Variants in CLSTN1 observed in about 807,000 individuals in gnomAD.
The protein encoded by CLSTN1 is calsyntenin 1.
CLSTN1 carries 28 observed loss-of-function variants against 108.3 expected under a neutral mutation model. The ratio of observed to expected loss-of-function variants is 0.26; its 90% CI spans 0.19 to 0.35. The LOEUF is 0.35. Ranked by LOEUF, CLSTN1 falls within the 10% of genes least tolerant of loss-of-function variation. The probability of loss-of-function intolerance (pLI) is 1.00; values close to 1 mark genes in which losing one functional copy is unlikely to be tolerated. For synonymous variants in CLSTN1, 524 were observed against 534.9 expected, an observed-to-expected ratio of 0.98 and a Z score of 0.28; for missense variants, 1,157 against 1,302.6, an observed-to-expected ratio of 0.89 and a Z score of 1.72.
chr1:9,733,365 G>A, intron 16 of CLSTN1, 36 bp downstream of exon 16: 1 of 1,611,920 alleles, frequency 6.2e-7, no homozygotes, highest in Non-Finnish European at 8.5e-7. Flanking sequence ...ACTCACTGCT[G>A]CTATTGGCCC....
At chr1:9,788,131 T>C (rs1043522039) in intron 1 of CLSTN1, among the ~76,000 whole-genome samples, 2 of 151,378 alleles carry the variant, frequency 1.3e-5, no homozygotes, top group Non-Finnish European at 2.9e-5. Context: ...GGTGCCACAC[T>C]TGTAGTCCCG....
At position 9,814,247 on chromosome 1, in the gene CLSTN1, C is replaced by CAAAAAAAAAA. The variant is rs558624346; in HGVS notation, c.91+9386_91+9395dup. Among the ~76,000 whole-genome samples, 200 of 94,904 alleles carry CAAAAAAAAAA rather than the reference C, an allele frequency of 2.1e-3. 2 individuals are homozygous for CAAAAAAAAAA. The East Asian group carries it at 0.028, about 13-fold the overall frequency. The allele number at this position is 94,904 out of a possible 152,430, so 62.3% of individuals were successfully genotyped here. A position where few individuals can be genotyped will look rare whatever the true frequency, so the allele number is the denominator to read the frequency against. On this transcript the variant is annotated intron_variant, in intron 1 of 18. Transcript: ENST00000377298. ...CAATATGGTAAAACCCCATCTCTAC[C>CAAAAAAAAAA]AAAAAAAAAAAAAAAAAAGCCAGGC...
chr1:9,795,032 AAG>A (rs1464479851), intron 1 of CLSTN1, among the ~76,000 whole-genome samples: 11 of 151,338 alleles, frequency 7.3e-5, no homozygotes, highest in Non-Finnish European at 1.3e-4. Context: ...AAAAAAAAAA[AAG>A]AAAAAAAATC....
chr1:9,795,819 G>C (rs1341976138), intron 1 of CLSTN1, among the ~76,000 whole-genome samples: 2 of 150,952 alleles, frequency 1.3e-5, no homozygotes. Context: ...GCCAAGCATG[G>C]TGGTGCATGC....
At chr1:9,793,202 G>A (rs1005230568) in intron 1 of CLSTN1, among the ~76,000 whole-genome samples, 2 of 151,190 alleles carry the variant, frequency 1.3e-5, no homozygotes, top group Non-Finnish European at 2.9e-5. Flanking sequence ...TAGTAGAGAC[G>A]GGGTTTCACC....
chr1:9,767,932 C>T (rs939820290), intron 2 of CLSTN1, among the ~76,000 whole-genome samples: 9 of 152,150 alleles, frequency 5.9e-5, no homozygotes, highest in African/African-American at 2.2e-4. Context: ...GTACCACCCA[C>T]TGTTTAAAGC....
At position 9,773,296 on chromosome 1, in the gene CLSTN1, T is replaced by C; in HGVS notation, c.190A>G (p.Lys64Glu). The change falls in exon 2 of 19, where the codon AAA becomes GAA. Residue 64 changes from lysine to glutamate, a missense_variant. Coordinates refer to ENST00000377298, the MANE Select transcript of CLSTN1 (RefSeq NM_001009566.3). ...LLDPPLIALD[K>E]DAPLRFAESF... ...CCTGCAAATCGCAGAGGCGCATCTT[T>C]ATCCAGCGCGATCAGTGGGGGGTCG... The C allele has an allele frequency of 6.2e-7, 1 of 1,614,076 alleles. No homozygotes were observed. Among genetic ancestry groups the C allele is most frequent in the Non-Finnish European group, 8.5e-7 (1 of 1,179,986 alleles).
In CLSTN1 at chr1:9,730,346, A is replaced by G; in HGVS notation, c.*162T>C. 1 of 696,124 alleles carries G rather than the reference A, an allele frequency of 1.4e-6. No individual in the cohort carries two copies. The highest frequency in any genetic ancestry group is 2.5e-5 in the East Asian group (1 of 40,220). 43.1% of individuals were successfully genotyped at this position (696,124 alleles called of 1,614,324 possible). ...GCGACCAGGCAGAGGGTGGGCGGGG[A>G]GCCTAGGGTCCTACACACCAAGCAC... is the stretch of plus-strand genomic sequence containing the variant. On this transcript the variant is annotated 3_prime_UTR_variant, in exon 19 of 19. Coordinates refer to ENST00000377298, the MANE Select transcript of CLSTN1 (RefSeq NM_001009566.3). The surrounding 1 kb of genome is among the most constrained non-coding windows in gnomAD (Gnocchi z 5.6).
Position 9,823,752 on chromosome 1 carries a change from GC to G in CLSTN1, c.-20del. 5 of 1,030,264 alleles carry G rather than the reference GC, an allele frequency of 4.9e-6. No homozygotes were observed. The highest frequency in any genetic ancestry group is 5.8e-6 in the Non-Finnish European group (5 of 859,012). The allele number at this position is 1,030,264 out of a possible 1,614,324, so 63.8% of individuals were successfully genotyped here. A position where few individuals can be genotyped will look rare whatever the true frequency, so the allele number is the denominator to read the frequency against. ...GCAGCATCGCCAGCCCGGGGCGGGA[GC>G]GGCAGGGAGGCGCGCGGGACGCCGA... is the stretch of plus-strand genomic sequence containing the variant. On this transcript the variant is annotated 5_prime_UTR_variant, in exon 1 of 19. Transcript: ENST00000377298. This position sits in a 1 kb window ranked among gnomAD's most constrained non-coding sequence, Gnocchi z 6.3.
rs763032353 is a variant in CLSTN1 at position 9,730,578 on chromosome 1, T to TCCC, written c.2873_2875dup (p.Gly958dup). 1.9e-6 allele frequency: 3 copies of TCCC among 1,608,818 alleles called. No individual in the cohort carries two copies. The highest frequency in any genetic ancestry group is 4.5e-5 in the East Asian group (2 of 44,846). On this transcript the variant is annotated inframe_insertion, in exon 19 of 19. Transcript: ENST00000377298. The surrounding 1 kb of genome is among the most constrained non-coding windows in gnomAD (Gnocchi z 5.6). Reference sequence around the variant, plus strand: ...GGTTGCGTTCTGGGGGTCGCCCTGCTCCCCCTCCTCCTCCTCGCTGCTCTC... The same window carrying TCCC: ...GGTTGCGTTCTGGGGGTCGCCCTGCTCCCCCCCCTCCTCCTCCTCGCTGCTCTC...
rs146428342 is a variant in CLSTN1, at chr1:9,734,574, C to CAAAA, written c.2110+370_2110+373dup. On this transcript the variant is annotated intron_variant, in intron 14 of 18. Transcript: ENST00000377298. The surrounding 1 kb of genome is among the most constrained non-coding windows in gnomAD (Gnocchi z 4.8). ...TGGGCGACAGAGTGAGACTCCATCT[C>CAAAA]AAAAAAAAAAAAAAAGGGGGGGAGT... 3.6e-3 allele frequency among the ~76,000 whole-genome samples: 365 copies of CAAAA among 102,010 alleles called. 4 individuals carry two copies. In the East Asian group the frequency reaches 0.041, roughly 11 times the overall value. 66.9% of individuals were successfully genotyped at this position (102,010 alleles called of 152,430 possible).
chr1:9,810,438 T>A (rs982908653), intron 1 of CLSTN1, among the ~76,000 whole-genome samples: 1 of 151,428 alleles, frequency 6.6e-6, no homozygotes, highest in African/African-American at 2.4e-5. Context: ...ATCATGCCAC[T>A]GCACTCCAGG....
chr1:9,788,585 A>G (rs966992747), intron 1 of CLSTN1, among the ~76,000 whole-genome samples: 4 of 150,092 alleles, frequency 2.7e-5, no homozygotes, highest in African/African-American at 9.8e-5. Context: ...AAGGAATTTG[A>G]GGCCGGGCGC....
At chr1:9,750,979 C>G (rs772456573) in intron 5 of CLSTN1, among the ~76,000 whole-genome samples, 1 of 151,900 alleles carries the variant, frequency 6.6e-6, no homozygotes, top group Non-Finnish European at 1.5e-5. Flanking sequence ...GTAGGAGAAT[C>G]ACTTGAACCC....
intron 1 of CLSTN1, among the ~76,000 whole-genome samples, chr1:9,801,021 T>C (rs1053477697): frequency 1.3e-5 from 2 of 151,910 alleles, no homozygotes; most frequent in Admixed American, 1.3e-4. Flanking sequence ...CCGAGGCAGA[T>C]GGATCACCTG....
At chr1:9,765,949 G>A (rs1652309365) in intron 2 of CLSTN1, among the ~76,000 whole-genome samples, 1 of 152,058 alleles carries the variant, frequency 6.6e-6, no homozygotes, top group Non-Finnish European at 1.5e-5. Context: ...AGTTACATGT[G>A]CTAAAAAAGC....
At chr1:9,775,161 G>C (rs929288382) in intron 1 of CLSTN1, among the ~76,000 whole-genome samples, 1 of 152,100 alleles carries the variant, frequency 6.6e-6, no homozygotes, top group Non-Finnish European at 1.5e-5. Context: ...CCTGTGTCTT[G>C]TACTGACCTC....
chr1:9,781,633 G>A (rs1653255587), intron 1 of CLSTN1, among the ~76,000 whole-genome samples: 1 of 151,850 alleles, frequency 6.6e-6, no homozygotes, highest in South Asian at 2.1e-4. Context: ...AGTAGAGATG[G>A]GGTTTCTCCA....
intron 3 of CLSTN1, 94 bp from the exon 4 acceptor site, chr1:9,755,403 A>C: frequency 9.2e-7 from 1 of 1,089,920 alleles, no homozygotes; most frequent in South Asian, 1.6e-5. Context: ...AAAGAAAATA[A>C]ATGACAACAA....
Sources: gnomAD v4.1 joint callset for allele counts (sites outside exome capture counted in the v4.1 genomes callset) on GRCh38, gnomAD v4.1.1 for gene constraint, Gnocchi (gnomAD v3.1) non-coding constraint, MANE v1.5 for transcripts, NCBI Gene and HGNC (gene_info 2026-07-23, HGNC 2026-07-21) for gene names.